DMD: variants seen among roughly 807,000 people sequenced by gnomAD.
DMD encodes mutant dystrophin.
In DMD, 63 loss-of-function variants were observed where a neutral mutation model predicts 330.1. That is an observed-to-expected ratio of 0.19 (90% CI 0.16 to 0.24). The LOEUF is 0.24. DMD is among the 10% of genes least tolerant of loss of function. The pLI, the probability that DMD is intolerant of heterozygous loss-of-function variation, is 1.00. For synonymous variants in DMD, 1,223 were observed against 959.8 expected (o/e 1.27, Z -5.07); for missense variants, 3,344 against 2,684.1 (o/e 1.25, Z -5.43).
chrX:32,169,707 T>A (rs902087414), intron 44 of DMD, among the ~76,000 whole-genome samples: 8 of 111,917 alleles, frequency 7.1e-5, no homozygotes, highest in Non-Finnish European at 1.5e-4. Flanking sequence ...TCCCATGCCA[T>A]CTACCCCTTC....
chrX:32,813,160 A>G (rs927772681), intron 6 of DMD, among the ~76,000 whole-genome samples: 3 of 111,827 alleles, frequency 2.7e-5, no homozygotes, highest in African/African-American at 9.8e-5. Context: ...AAAGCATTGA[A>G]CCAAAAGGCC....
At chrX:32,355,752 C>G (rs185181695) in intron 37 of DMD, among the ~76,000 whole-genome samples, 1 of 110,733 alleles carries the variant, frequency 9.0e-6, no homozygotes, top group African/African-American at 3.3e-5. Flanking sequence ...TACAGTTTGA[C>G]TAGTGATCTG....
intron 1 of DMD, among the ~76,000 whole-genome samples, chrX:33,163,552 G>GTGTATATATATATATACA (rs1247410085): frequency 3.8e-4 from 35 of 91,003 alleles, no homozygotes; most frequent in African/African-American, 1.4e-3. Context: ...ATATATGTGT[G>GTGTATATATATATATACA]TATATATATA....
chrX:32,778,105 C>T (rs1288780123), intron 7 of DMD, among the ~76,000 whole-genome samples: 1 of 111,253 alleles, frequency 9.0e-6, no homozygotes, highest in East Asian at 2.8e-4. Flanking sequence ...AAAAATAATA[C>T]AGAATATATA....
intron 1 of DMD, among the ~76,000 whole-genome samples, chrX:33,083,480 G>C (rs1437680548): frequency 9.0e-6 from 1 of 111,393 alleles, no homozygotes; most frequent in African/African-American, 3.3e-5. Context: ...GAGGTCTCTG[G>C]GCAAGGGAAA....
At chrX:32,949,358 A>G (rs764352365) in intron 2 of DMD, among the ~76,000 whole-genome samples, 25 of 83,088 alleles carry the variant, frequency 3.0e-4, no homozygotes, top group East Asian at 1.3e-3. Context: ...AGATAGATAG[A>G]TAGATAGATA....
intron 29 of DMD, among the ~76,000 whole-genome samples, chrX:32,431,428 T>C (rs1008272384): frequency 2.7e-5 from 3 of 111,149 alleles, no homozygotes; most frequent in Non-Finnish European, 5.7e-5. Context: ...TATAATTTTT[T>C]TATATTGAAT....
chrX:33,301,050 C>T (rs955841757), intron 1 of DMD, among the ~76,000 whole-genome samples: 2 of 111,478 alleles, frequency 1.8e-5, no homozygotes, highest in Non-Finnish European at 3.8e-5. Flanking sequence ...ACTCGCTGTC[C>T]TTCAGTATTT....
chrX:31,592,394 A>G (rs1409016081), intron 55 of DMD, among the ~76,000 whole-genome samples: 1 of 104,567 alleles, frequency 9.6e-6, no homozygotes, highest in Non-Finnish European at 2.0e-5. Flanking sequence ...ATATATATAT[A>G]TATATATATG....
chrX:32,748,345 CA>C (rs776751298), intron 7 of DMD, among the ~76,000 whole-genome samples: 3,887 of 48,463 alleles, frequency 0.08, 91 homozygotes, highest in Non-Finnish European at 0.12. Flanking sequence ...GACTCCGTCT[CA>C]AAAAAAAAAA....
chrX:31,742,440 A>G (rs1464803179), intron 51 of DMD, among the ~76,000 whole-genome samples: 1 of 112,047 alleles, frequency 8.9e-6, no homozygotes, highest in African/African-American at 3.2e-5. Flanking sequence ...TTGTAGGGTT[A>G]CTGACTGGCA....
intron 47 of DMD, among the ~76,000 whole-genome samples, chrX:31,889,385 A>G (rs1316045605): frequency 9.0e-6 from 1 of 110,707 alleles, no homozygotes; most frequent in Non-Finnish European, 1.9e-5. Context: ...CCCTAAAGTT[A>G]GGTAACAAGC....
intron 1 of DMD, among the ~76,000 whole-genome samples, chrX:33,220,508 A>G (rs1440974740): frequency 4.5e-5 from 5 of 111,992 alleles, no homozygotes; most frequent in Non-Finnish European, 9.4e-5. Context: ...AATTCATCAT[A>G]CATGTTTTCT....
intron 2 of DMD, among the ~76,000 whole-genome samples, chrX:32,881,959 T>A (rs924401676): frequency 8.9e-6 from 1 of 112,277 alleles, no homozygotes; most frequent in Non-Finnish European, 1.9e-5. Context: ...CACACTAGCT[T>A]CCCATGCACT....
At chrX:32,976,370 C>T (rs776525296) in intron 2 of DMD, among the ~76,000 whole-genome samples, 27 of 111,367 alleles carry the variant, frequency 2.4e-4, no homozygotes, top group Non-Finnish European at 4.9e-4. Context: ...CAGTAACACG[C>T]AGGAAAGTCC....
chrX:32,071,091 T>C lies in DMD; in HGVS notation c.6439-102577A>G, dbSNP rs138443552. On this transcript the variant is annotated intron_variant, in intron 44 of 78. Transcript: ENST00000357033. ...GTCGGACATTTGGGTTGGTTCCAAG[T>C]CTTTGCTATTGTGAATAGTGCCGCA... Among the ~76,000 whole-genome samples the C allele has an allele frequency of 5.9e-3, 659 of 111,222 alleles. 2 individuals carry two copies. The highest frequency in any genetic ancestry group is 0.02 in the African/African-American group (623 of 30,558).
chrX:32,986,134 T>C (rs1260190552), intron 2 of DMD, among the ~76,000 whole-genome samples: 2 of 111,964 alleles, frequency 1.8e-5, no homozygotes, highest in African/African-American at 6.5e-5. Context: ...ATACATGTGA[T>C]GTACTTAATG....
At chrX:31,442,817 T>C (rs1359685895) in intron 60 of DMD, among the ~76,000 whole-genome samples, 4 of 111,624 alleles carry the variant, frequency 3.6e-5, no homozygotes, top group Non-Finnish European at 7.5e-5. Flanking sequence ...TCAACTACTA[T>C]GGAGCAAACA....
intron 1 of DMD, among the ~76,000 whole-genome samples, chrX:33,234,624 A>G (rs1239940422): frequency 8.9e-6 from 1 of 111,792 alleles, no homozygotes; most frequent in East Asian, 2.8e-4. Context: ...GTTCTTTTAG[A>G]AGAAATGTGG....
Sources: allele counts gnomAD v4.1 joint callset (sites outside exome capture counted in the v4.1 genomes callset), GRCh38; gene constraint gnomAD v4.1.1; transcripts MANE v1.5; gene names NCBI Gene and HGNC (gene_info 2026-07-23, HGNC 2026-07-21).